Variants in ZYG11B observed in about 807,000 individuals in gnomAD.
ZYG11B encodes protein zyg-11 homolog B.
ZYG11B carries 36 observed loss-of-function variants against 82.4 expected under a neutral mutation model. That is an observed-to-expected ratio of 0.44 (90% confidence interval 0.33 to 0.58). The LOEUF is 0.58. Ranked by LOEUF, ZYG11B falls within the 20% of genes least tolerant of loss-of-function variation. The pLI, the probability that ZYG11B is intolerant of heterozygous loss-of-function variation, is 0.02. For missense variants in ZYG11B, 552 were observed against 895.6 expected (o/e 0.62, Z 4.90); for synonymous variants, 303 against 312.8 (o/e 0.97, Z 0.33).
chr1:52,752,444 C>T (rs1644534295), intron 1 of ZYG11B, among the ~76,000 whole-genome samples: 1 of 152,120 alleles, frequency 6.6e-6, no homozygotes, highest in Non-Finnish European at 1.5e-5. Flanking sequence ...TTTGTGGATG[C>T]ATTATTACAT....
At chr1:52,735,011 G>A (rs1644366361) in intron 1 of ZYG11B, among the ~76,000 whole-genome samples, 1 of 151,238 alleles carries the variant, frequency 6.6e-6, no homozygotes, top group African/African-American at 2.4e-5. Context: ...TTACAGGTAT[G>A]AGCCACTGCG....
intron 6 of ZYG11B, among the ~76,000 whole-genome samples, chr1:52,792,226 GATGAATGA>G (rs567888897): frequency 3.3e-5 from 5 of 152,060 alleles, no homozygotes; most frequent in African/African-American, 4.8e-5. Flanking sequence ...TTGATTGATG[GATGAATGA>G]ATGAATGAAT....
At chr1:52,748,456 A>G (rs888245370) in intron 1 of ZYG11B, among the ~76,000 whole-genome samples, 2 of 152,262 alleles carry the variant, frequency 1.3e-5, no homozygotes, top group African/African-American at 4.8e-5. Context: ...GTCATTCAGT[A>G]CACAGTAGCT....
chr1:52,776,229 A>AT lies in ZYG11B; in HGVS notation c.952-3624_952-3623insT, dbSNP rs1553260250. ...AGCAAAACTCTGTCTTAAAAAAAAA[A>AT]ATATATATATATATATGCAATAAAG... On this transcript the variant is annotated intron_variant, in intron 3 of 13. Coordinates refer to ENST00000294353, the MANE Select transcript of ZYG11B (RefSeq NM_024646.3). Among the ~76,000 whole-genome samples the AT allele has an allele frequency of 1.3e-3, 30 of 23,528 alleles. 3 individuals are homozygous for AT. The highest frequency in any genetic ancestry group is 2.4e-3 in the South Asian group (1 of 422). 15.4% of individuals were successfully genotyped at this position (23,528 alleles called of 152,430 possible).
rs187648682 is a variant in ZYG11B at position 52,814,114 on chromosome 1, A to G, written c.1946+202A>G. 6.2e-3 allele frequency among the ~76,000 whole-genome samples: 934 copies of G among 151,762 alleles called. 12 individuals are homozygous for G. The highest frequency in any genetic ancestry group is 0.022 in the African/African-American group (899 of 41,500). ...TGGCTCACTGCAACCTCCACCTCCC[A>G]GGTTGAAGCAATTCCCCTGCCTCAG... is the stretch of plus-strand genomic sequence containing the variant. On this transcript the variant is annotated intron_variant, in intron 12 of 13. Transcript: ENST00000294353.
At chr1:52,796,024 T>C (rs1645003494) in intron 6 of ZYG11B, among the ~76,000 whole-genome samples, 1 of 152,208 alleles carries the variant, frequency 6.6e-6, no homozygotes, top group African/African-American at 2.4e-5. Flanking sequence ...AAATACAGAA[T>C]AGAAATATGT....
Position 52,730,396 on chromosome 1 carries a change from G to A in ZYG11B, c.30+3713G>A, listed in dbSNP as rs189878726. Among the ~76,000 whole-genome samples, 27 of 151,736 alleles carry A rather than the reference G, an allele frequency of 1.8e-4. No individual in the cohort carries two copies. The East Asian group carries it at 3.1e-3, about 18-fold the overall frequency. On this transcript the variant is annotated intron_variant, in intron 1 of 13. Transcript: ENST00000294353. Reference sequence around the variant, plus strand: ...GACTGGAGTGCAGCGGCGTGATTACGGCTCATTGCAGCCTCAAACCCCTAG... The same window carrying A: ...GACTGGAGTGCAGCGGCGTGATTACAGCTCATTGCAGCCTCAAACCCCTAG...
chr1:52,726,535 C>T lies in ZYG11B; in HGVS notation c.-119C>T. The T allele has an allele frequency of 3.0e-6, 3 of 986,738 alleles. No homozygotes were observed. Among genetic ancestry groups the T allele is most frequent in the Non-Finnish European group, 4.0e-6 (3 of 744,120 alleles). The allele number at this position is 986,738 out of a possible 1,614,324, so 61.1% of individuals were successfully genotyped here. Reference sequence around the variant, plus strand: ...ACGCTCCTAGCTTGAGGGAAAGAGGCCGAGGCCTGGGCCAAGCCCGGAGCC... The same window carrying T: ...ACGCTCCTAGCTTGAGGGAAAGAGGTCGAGGCCTGGGCCAAGCCCGGAGCC... On this transcript the variant is annotated 5_prime_UTR_variant, in exon 1 of 14. Transcript: ENST00000294353.
chr1:52,740,804 A>G (rs1416700158), intron 1 of ZYG11B, among the ~76,000 whole-genome samples: 1 of 149,006 alleles, frequency 6.7e-6, no homozygotes, highest in African/African-American at 2.5e-5. Flanking sequence ...GCCTCAAGTG[A>G]TCTGCTCACC....
In ZYG11B at chr1:52,824,700, G is replaced by A. The variant is rs1261571015; in HGVS notation, c.*3071G>A. ...AATATATAAAAATTTGAGTGCCTTT[G>A]CAGTTGGGATGGTTCCTAAAATTGC... On this transcript the variant is annotated 3_prime_UTR_variant, in exon 14 of 14. Coordinates refer to ENST00000294353, the MANE Select transcript of ZYG11B (RefSeq NM_024646.3). The A allele has an allele frequency of 6.6e-6, 1 of 151,958 alleles. No homozygotes were observed. Among genetic ancestry groups the A allele is most frequent in the Non-Finnish European group, 1.5e-5 (1 of 67,996 alleles). The allele number at this position is 151,958 out of a possible 1,614,324, so 9.4% of individuals were successfully genotyped here.
chr1:52,817,360 T>A (rs1379071845), intron 13 of ZYG11B, among the ~76,000 whole-genome samples: 1 of 151,932 alleles, frequency 6.6e-6, no homozygotes, highest in Non-Finnish European at 1.5e-5. Context: ...TTGAATCAGG[T>A]TCTATATTAT....
intron 3 of ZYG11B, chr1:52,772,690 T>C: frequency 4.1e-6 from 3 of 725,120 alleles, no homozygotes; most frequent in Admixed American, 2.1e-5. Context: ...TTTTTTTTTT[T>C]CTTTTGAGAC....
chr1:52,816,458 T>A, intron 12 of ZYG11B, 74 bp from the exon 13 acceptor site: 1 of 1,025,756 alleles, frequency 9.7e-7, no homozygotes. Flanking sequence ...AAATGAAAAG[T>A]TTAGGAATCA....
chr1:52,813,065 C>A (rs1286449292), intron 10 of ZYG11B, among the ~76,000 whole-genome samples: 1 of 152,166 alleles, frequency 6.6e-6, no homozygotes, highest in Non-Finnish European at 1.5e-5. Context: ...CTACTACTAT[C>A]AAATACTTTG....
At chr1:52,742,794 ATC>A (rs1201295981) in intron 1 of ZYG11B, among the ~76,000 whole-genome samples, 5 of 151,296 alleles carry the variant, frequency 3.3e-5, no homozygotes, top group Admixed American at 2.6e-4. Flanking sequence ...GTGAGCCGAG[ATC>A]GTGCCACTGC....
intron 3 of ZYG11B, among the ~76,000 whole-genome samples, chr1:52,778,912 A>G (rs1048162610): frequency 1.3e-5 from 2 of 152,102 alleles, no homozygotes; most frequent in Non-Finnish European, 2.9e-5. Context: ...ACTTATGGAG[A>G]AAGTATTCTG....
chr1:52,738,935 T>C (rs1161979741), intron 1 of ZYG11B, among the ~76,000 whole-genome samples: 2 of 149,548 alleles, frequency 1.3e-5, no homozygotes, highest in Non-Finnish European at 3.0e-5. Flanking sequence ...AAAGCTGGAA[T>C]ATTCTTGGTT....
intron 1 of ZYG11B, among the ~76,000 whole-genome samples, chr1:52,734,129 C>A (rs902133668): frequency 5.3e-5 from 8 of 152,070 alleles, no homozygotes; most frequent in Admixed American, 4.6e-4. Flanking sequence ...TCCTGAGTTG[C>A]TGGGACCACA....
chr1:52,770,363 A>G (rs1644739305), intron 2 of ZYG11B, among the ~76,000 whole-genome samples: 1 of 152,168 alleles, frequency 6.6e-6, no homozygotes, highest in South Asian at 2.1e-4. Flanking sequence ...ATTACAAGGC[A>G]TTAAGTGCAT....
Sources: gnomAD v4.1 joint callset for allele counts (sites outside exome capture counted in the v4.1 genomes callset) on GRCh38, gnomAD v4.1.1 for gene constraint, MANE v1.5 for transcripts, NCBI Gene and HGNC (gene_info 2026-07-23, HGNC 2026-07-21) for gene names.